ROBO2: variants seen among roughly 807,000 people sequenced by gnomAD.
The protein encoded by ROBO2 is roundabout guidance receptor 2.
ROBO2 carries 53 observed loss-of-function variants against 160.8 expected under a neutral mutation model. The observed-to-expected ratio is 0.33, with a 90% CI of 0.26 to 0.41. The LOEUF (loss-of-function observed/expected upper bound fraction) is 0.41, where lower values mean the gene tolerates loss of function less well. ROBO2 is among the 10% of genes least tolerant of loss of function. The probability of loss-of-function intolerance (pLI) is 1.00; values close to 1 mark genes in which losing one functional copy is unlikely to be tolerated. For missense variants in ROBO2, 1,577 were observed against 1,722.4 expected, an observed-to-expected ratio of 0.92 and a Z score of 1.49; for synonymous variants, 664 against 611.7, an observed-to-expected ratio of 1.09 and a Z score of -1.26.
intron 2 of ROBO2, among the ~76,000 whole-genome samples, chr3:76,290,947 T>A (rs1416403897): frequency 3.3e-5 from 5 of 152,162 alleles, no homozygotes; most frequent in African/African-American, 1.2e-4. Flanking sequence ...TTTGCATCTA[T>A]GTTTGCATTA....
At chr3:77,174,469 G>GT (rs1159721889) in intron 2 of ROBO2, among the ~76,000 whole-genome samples, 3 of 151,914 alleles carry the variant, frequency 2.0e-5, no homozygotes, top group South Asian at 2.1e-4. Context: ...TTGCTGTGGG[G>GT]TTTTTTAAAA....
At chr3:76,314,648 G>T (rs2071856304) in intron 2 of ROBO2, among the ~76,000 whole-genome samples, 1 of 151,884 alleles carries the variant, frequency 6.6e-6, no homozygotes, top group African/African-American at 2.4e-5. Flanking sequence ...TTCACTTAAG[G>T]AATAGTAGAT....
chr3:76,344,826 T>C (rs1417827592), intron 2 of ROBO2, among the ~76,000 whole-genome samples: 5 of 152,304 alleles, frequency 3.3e-5, no homozygotes, highest in Non-Finnish European at 7.4e-5. Flanking sequence ...GATGTGATAA[T>C]AACAGTGACT....
intron 2 of ROBO2, among the ~76,000 whole-genome samples, chr3:76,946,595 A>G (rs1305606673): frequency 6.6e-6 from 1 of 151,966 alleles, no homozygotes; most frequent in African/African-American, 2.4e-5. Context: ...CCACCACGGC[A>G]TCCGGCTAAT....
chr3:76,446,323 C>G (rs1018331506), intron 2 of ROBO2, among the ~76,000 whole-genome samples: 5 of 152,040 alleles, frequency 3.3e-5, no homozygotes, highest in African/African-American at 1.2e-4. Flanking sequence ...CCTAGGAATC[C>G]CACTTACAAG....
chr3:77,052,168 A>G (rs2065290605), intron 1 of ROBO2, among the ~76,000 whole-genome samples: 1 of 152,194 alleles, frequency 6.6e-6, no homozygotes, highest in African/African-American at 2.4e-5. Flanking sequence ...TGTATTTAGT[A>G]AGAGAAAGAG....
intron 2 of ROBO2, among the ~76,000 whole-genome samples, chr3:75,943,837 A>C (rs575285663): frequency 6.6e-6 from 1 of 151,952 alleles, no homozygotes; most frequent in South Asian, 2.1e-4. Flanking sequence ...AGTAGCTGGG[A>C]TTACAGGTAT....
At chr3:76,094,222 A>C (rs2069349496) in intron 2 of ROBO2, among the ~76,000 whole-genome samples, 2 of 152,142 alleles carry the variant, frequency 1.3e-5, no homozygotes, top group South Asian at 4.1e-4. Flanking sequence ...TTTTTCTCAA[A>C]ATAATCAATT....
intron 2 of ROBO2, among the ~76,000 whole-genome samples, chr3:75,995,641 T>C (rs1001339535): frequency 1.3e-5 from 2 of 149,852 alleles, no homozygotes; most frequent in Non-Finnish European, 3.0e-5. Context: ...TGAGAAGAGG[T>C]CTACAGTCCT....
chr3:77,410,537 C>T (rs1227685199), intron 2 of ROBO2, among the ~76,000 whole-genome samples: 5 of 121,108 alleles, frequency 4.1e-5, no homozygotes, highest in South Asian at 6.2e-4. Context: ...CTTCCTCCTC[C>T]TCTTCTTCCT....
chr3:76,785,146 T>C (rs951714245), intron 2 of ROBO2, among the ~76,000 whole-genome samples: 13 of 151,148 alleles, frequency 8.6e-5, no homozygotes, highest in African/African-American at 2.9e-4. Context: ...GATATGGGCC[T>C]TGATACATTG....
intron 2 of ROBO2, among the ~76,000 whole-genome samples, chr3:77,449,968 A>C (rs1414172113): frequency 6.6e-6 from 1 of 152,124 alleles, no homozygotes; most frequent in Non-Finnish European, 1.5e-5. Flanking sequence ...CTGTCAATAG[A>C]AAATAAAATA....
chr3:77,195,825 A>C (rs539516283), intron 2 of ROBO2, among the ~76,000 whole-genome samples: 67 of 152,184 alleles, frequency 4.4e-4, no homozygotes, highest in Non-Finnish European at 9.1e-4. Context: ...CTCCCCACCT[A>C]CCAGACCTCA....
At chr3:77,589,455 G>A (rs1205613510) in intron 17 of ROBO2, among the ~76,000 whole-genome samples, 1 of 152,086 alleles carries the variant, frequency 6.6e-6, no homozygotes, top group African/African-American at 2.4e-5. Context: ...CATGAATTAA[G>A]TGATTTACTG....
intron 2 of ROBO2, among the ~76,000 whole-genome samples, chr3:76,842,940 G>A (rs1158923748): frequency 6.7e-6 from 1 of 149,272 alleles, no homozygotes; most frequent in Non-Finnish European, 1.5e-5. Flanking sequence ...CACACAAGTA[G>A]TTATTTTATT....
At chr3:76,397,341 T>TTAAACGTTACACC (rs1366623742) in intron 2 of ROBO2, among the ~76,000 whole-genome samples, 1 of 152,176 alleles carries the variant, frequency 6.6e-6, no homozygotes, top group Non-Finnish European at 1.5e-5. Flanking sequence ...GAATAAAGAC[T>TTAAACGTTACACC]TAAACGTTAC....
At chr3:76,163,658 GT>G (rs1048643394) in intron 2 of ROBO2, among the ~76,000 whole-genome samples, 15 of 151,588 alleles carry the variant, frequency 9.9e-5, no homozygotes, top group South Asian at 4.2e-4. Flanking sequence ...AGAAATTATT[GT>G]TTTTTTCAAT....
intron 2 of ROBO2, among the ~76,000 whole-genome samples, chr3:76,248,575 G>C (rs974674967): frequency 5.3e-5 from 8 of 151,220 alleles, no homozygotes; most frequent in Admixed American, 4.0e-4. Flanking sequence ...ACACCAGCAT[G>C]GCACATGTAT....
intron 2 of ROBO2, among the ~76,000 whole-genome samples, chr3:76,104,016 A>G (rs1017221587): frequency 6.6e-6 from 1 of 152,162 alleles, no homozygotes; most frequent in Non-Finnish European, 1.5e-5. Flanking sequence ...CCTGTAAGGT[A>G]TCTTCTCTAC....
Sources: allele counts gnomAD v4.1 joint callset (sites outside exome capture counted in the v4.1 genomes callset), GRCh38; gene constraint gnomAD v4.1.1; transcripts MANE v1.5; gene names NCBI Gene and HGNC (gene_info 2026-07-23, HGNC 2026-07-21).